Variants in BLTP1 observed in about 807,000 individuals in gnomAD.
The protein encoded by BLTP1 is bridge-like lipid transfer protein family member 1.
the BLTP1 span, among the ~76,000 whole-genome samples, chr4:122,169,401 G>A: frequency 6.6e-6 from 1 of 151,952 alleles, no homozygotes; most frequent in African/African-American, 2.4e-5. Context: ...TGTTTTTGTA[G>A]TTATCTGTAA....
the BLTP1 span, among the ~76,000 whole-genome samples, chr4:122,282,421 C>T: frequency 6.6e-6 from 1 of 152,122 alleles, no homozygotes; most frequent in African/African-American, 2.4e-5. Flanking sequence ...GCGGGTGGAT[C>T]ACCCGAGGTC....
At chr4:122,235,357 A>G in the BLTP1 span, 6,252 of 984,592 alleles carry the variant, frequency 6.3e-3, 306 homozygotes, top group African/African-American at 0.099. Flanking sequence ...CTGTGCTTCA[A>G]GGTAACAATT....
the BLTP1 span, among the ~76,000 whole-genome samples, chr4:122,304,050 C>A: frequency 2.6e-5 from 4 of 152,198 alleles, no homozygotes; most frequent in African/African-American, 9.6e-5. Flanking sequence ...GTGACACAAA[C>A]CTCATTGTCA....
At chr4:122,331,463 G>A in the BLTP1 span, 5 of 1,611,706 alleles carry the variant, frequency 3.1e-6, no homozygotes, top group African/African-American at 6.7e-5. Flanking sequence ...CTTGATATAC[G>A]GGTTGAAATT....
the BLTP1 span, among the ~76,000 whole-genome samples, chr4:122,197,801 C>T: frequency 6.6e-6 from 1 of 152,094 alleles, no homozygotes; most frequent in East Asian, 1.9e-4. Context: ...TTCATCTGAG[C>T]TGAGATGATC....
chr4:122,216,635 T>G, the BLTP1 span, among the ~76,000 whole-genome samples: 1 of 152,206 alleles, frequency 6.6e-6, no homozygotes, highest in African/African-American at 2.4e-5. Context: ...GCTGATTTGT[T>G]TGAGTTCCCT....
chr4:122,349,813 A>G, the BLTP1 span: 22 of 1,595,308 alleles, frequency 1.4e-5, no homozygotes, highest in East Asian at 4.7e-4. This position sits in a 1 kb window ranked among gnomAD's most constrained non-coding sequence, Gnocchi z 4.5. Flanking sequence ...CTTTTTGAGT[A>G]TCTGCTGTAA....
chr4:122,237,088 A>G, the BLTP1 span: 236 of 984,440 alleles, frequency 2.4e-4, no homozygotes, highest in Non-Finnish European at 2.8e-4. Flanking sequence ...TTGTGGTAGT[A>G]GAAGTAACTA....
chr4:122,176,061 G>C, the BLTP1 span: 1 of 510,570 alleles, frequency 2.0e-6, no homozygotes, highest in Non-Finnish European at 3.6e-6. Context: ...CAGCACTTTG[G>C]GAGGCTGAGG....
At chr4:122,154,094 A>T in the BLTP1 span, 1 of 984,286 alleles carries the variant, frequency 1.0e-6, no homozygotes, top group Non-Finnish European at 1.2e-6. Flanking sequence ...AACGTTGCAA[A>T]CTCTGGAAAA....
the BLTP1 span, chr4:122,192,316 G>A: frequency 1.2e-6 from 2 of 1,613,738 alleles, no homozygotes; most frequent in Non-Finnish European, 8.5e-7. Context: ...CCATGTTGGG[G>A]ACTGGATATA....
the BLTP1 span, chr4:122,219,096 A>G: frequency 1.3e-4 from 128 of 975,226 alleles, no homozygotes; most frequent in African/African-American, 1.8e-3. Flanking sequence ...GGGCAATGCC[A>G]TGAAGTTTTT....
chr4:122,202,451 A>G, the BLTP1 span: 1 of 207,534 alleles, frequency 4.8e-6, no homozygotes, highest in Admixed American at 6.5e-5. Context: ...GATGAGTTAC[A>G]GAGAGGTAAA....
chr4:122,316,222 C>A, the BLTP1 span: 1 of 352,060 alleles, frequency 2.8e-6, no homozygotes, highest in South Asian at 2.5e-5. Flanking sequence ...GAAACTTATT[C>A]TTTGATTTCA....
the BLTP1 span, among the ~76,000 whole-genome samples, chr4:122,308,750 CA>C: frequency 2.2e-4 from 33 of 152,168 alleles, no homozygotes; most frequent in Non-Finnish European, 4.0e-4. Context: ...CAAGAAGCAA[CA>C]GTTATTAACA....
At chr4:122,218,208 A>G in the BLTP1 span, among the ~76,000 whole-genome samples, 1 of 152,018 alleles carries the variant, frequency 6.6e-6, no homozygotes, top group Non-Finnish European at 1.5e-5. Flanking sequence ...GATCGAACTC[A>G]CTTAGACATT....
At chr4:122,161,426 T>C in the BLTP1 span, among the ~76,000 whole-genome samples, 2 of 151,524 alleles carry the variant, frequency 1.3e-5, no homozygotes, top group Non-Finnish European at 2.9e-5. Context: ...TTCTTTTTTC[T>C]TTTGTTTTCT....
chr4:122,210,113 A>G, the BLTP1 span: 8 of 669,490 alleles, frequency 1.2e-5, no homozygotes, highest in African/African-American at 2.0e-5. Flanking sequence ...GGGCCAAGCA[A>G]TTTTCTGGCT....
chr4:122,353,297 A>G, the BLTP1 span: 393 of 1,380,980 alleles, frequency 2.8e-4, 6 homozygotes, highest in African/African-American at 5.1e-3. The surrounding 1 kb of genome is among the most constrained non-coding windows in gnomAD (Gnocchi z 4.3). Context: ...GTCAATATTT[A>G]TAATGTCTGG....
Sources: allele counts gnomAD v4.1 joint callset (sites outside exome capture counted in the v4.1 genomes callset), GRCh38; gene constraint gnomAD v4.1.1; non-coding constraint Gnocchi (gnomAD v3.1); transcripts MANE v1.5; gene names NCBI Gene and HGNC (gene_info 2026-07-23, HGNC 2026-07-21).